RNGTT: variants seen among roughly 807,000 people sequenced by gnomAD.
RNGTT encodes mRNA-capping enzyme.
In RNGTT, 33 loss-of-function variants were observed where a neutral mutation model predicts 79.3. The observed-to-expected ratio is 0.42, with a 90% CI of 0.32 to 0.56. The LOEUF (loss-of-function observed/expected upper bound fraction) is 0.56. RNGTT is among the 20% of genes least tolerant of loss of function. The pLI is 0.17. For missense variants in RNGTT, 497 were observed against 739.1 expected, an observed-to-expected ratio of 0.67 and a Z score of 3.80; for synonymous variants, 222 against 235.9, an observed-to-expected ratio of 0.94 and a Z score of 0.54.
intron 13 of RNGTT, among the ~76,000 whole-genome samples, chr6:88,749,213 T>C (rs1777763670): frequency 6.6e-6 from 1 of 151,880 alleles, no homozygotes; most frequent in African/African-American, 2.4e-5. Context: ...AAATCTGAAG[T>C]AATAGAAGGA....
intron 4 of RNGTT, among the ~76,000 whole-genome samples, 157 bp from the exon 5 acceptor site, chr6:88,906,597 T>C (rs1407034033): frequency 1.3e-5 from 2 of 152,220 alleles, no homozygotes; most frequent in Non-Finnish European, 2.9e-5. Context: ...ACTTGAAAAC[T>C]TGTCAGTTTG....
intron 13 of RNGTT, among the ~76,000 whole-genome samples, chr6:88,742,581 T>G (rs1451167530): frequency 6.6e-6 from 1 of 152,202 alleles, no homozygotes; most frequent in Non-Finnish European, 1.5e-5. Flanking sequence ...TTGTTAGAAG[T>G]CACGGCATGC....
intron 11 of RNGTT, among the ~76,000 whole-genome samples, chr6:88,839,842 G>C (rs1781206764): frequency 6.6e-6 from 1 of 152,136 alleles, no homozygotes. Context: ...AAAACAGCTT[G>C]TTATTACTAT....
chr6:88,720,908 T>C (rs1776687190), intron 13 of RNGTT, among the ~76,000 whole-genome samples: 1 of 152,050 alleles, frequency 6.6e-6, no homozygotes, highest in Non-Finnish European at 1.5e-5. Flanking sequence ...ATCACACAAA[T>C]AATGACGTCA....
At chr6:88,723,351 C>T (rs1238116548) in intron 13 of RNGTT, among the ~76,000 whole-genome samples, 1 of 152,220 alleles carries the variant, frequency 6.6e-6, no homozygotes, top group South Asian at 2.1e-4. Context: ...GATGGCTAAT[C>T]ACAAACAACC....
chr6:88,955,094 A>G (rs1485786803), intron 1 of RNGTT, among the ~76,000 whole-genome samples: 2 of 152,038 alleles, frequency 1.3e-5, no homozygotes, highest in East Asian at 3.9e-4. Flanking sequence ...AACTATACAA[A>G]TACATGGAAA....
chr6:88,856,089 C>T (rs574546615), intron 8 of RNGTT, among the ~76,000 whole-genome samples: 23 of 152,156 alleles, frequency 1.5e-4, no homozygotes, highest in Non-Finnish European at 2.8e-4. Context: ...TCTCTTAGAA[C>T]GTCAAGATAT....
chr6:88,950,613 C>A (rs2127963564), intron 1 of RNGTT, among the ~76,000 whole-genome samples: 1 of 152,166 alleles, frequency 6.6e-6, no homozygotes, highest in South Asian at 2.1e-4. Context: ...TTCAAGACTT[C>A]AGTGGAATAA....
At chr6:88,890,677 C>A in intron 7 of RNGTT, 81 bp from the exon 8 acceptor site, 1 of 835,374 alleles carries the variant, frequency 1.2e-6, no homozygotes, top group Admixed American at 2.5e-5. Context: ...TCAAATGAAT[C>A]ACACATTTAT....
chr6:88,884,178 T>C (rs1228701036), intron 8 of RNGTT, among the ~76,000 whole-genome samples: 2 of 152,156 alleles, frequency 1.3e-5, no homozygotes, highest in Non-Finnish European at 2.9e-5. Flanking sequence ...TTCAACAATA[T>C]GGAGGGAAAG....
At chr6:88,695,503 T>C (rs1775630933) in intron 13 of RNGTT, among the ~76,000 whole-genome samples, 1 of 152,066 alleles carries the variant, frequency 6.6e-6, no homozygotes, top group Non-Finnish European at 1.5e-5. Context: ...TGACAAAAGA[T>C]AACCAGTTTT....
intron 13 of RNGTT, among the ~76,000 whole-genome samples, chr6:88,759,529 T>C (rs376494396): frequency 1.3e-5 from 2 of 152,206 alleles, no homozygotes; most frequent in African/African-American, 4.8e-5. Context: ...AACACAATCA[T>C]GTATATGTAT....
At chr6:88,709,695 C>T (rs1776257077) in intron 13 of RNGTT, among the ~76,000 whole-genome samples, 1 of 152,132 alleles carries the variant, frequency 6.6e-6, no homozygotes, top group Admixed American at 6.5e-5. Flanking sequence ...CTTTTTGCAT[C>T]AAATCTTCAA....
chr6:88,729,384 A>G (rs1375042660), intron 13 of RNGTT, among the ~76,000 whole-genome samples: 1 of 147,764 alleles, frequency 6.8e-6, no homozygotes, highest in African/African-American at 2.7e-5. Context: ...ATCAACCAGA[A>G]AAAGAAAAAA....
At chr6:88,768,085 C>T (rs1462182048) in intron 13 of RNGTT, among the ~76,000 whole-genome samples, 1 of 151,842 alleles carries the variant, frequency 6.6e-6, no homozygotes, top group East Asian at 1.9e-4. Context: ...ATTGTTCTAA[C>T]AACTTTTTGC....
At chr6:88,685,814 GTAAA>G (rs1775256804) in intron 13 of RNGTT, among the ~76,000 whole-genome samples, 1 of 151,814 alleles carries the variant, frequency 6.6e-6, no homozygotes, top group South Asian at 2.1e-4. Flanking sequence ...AATGATCTAA[GTAAA>G]TAAATAAATC....
intron 11 of RNGTT, among the ~76,000 whole-genome samples, chr6:88,836,230 TTATA>T (rs889546133): frequency 6.7e-6 from 1 of 149,588 alleles, no homozygotes; most frequent in Non-Finnish European, 1.5e-5. Context: ...TGAATGAGAT[TTATA>T]TATATATATA....
At chr6:88,792,087 G>A (rs1005027075) in intron 12 of RNGTT, among the ~76,000 whole-genome samples, 9 of 152,064 alleles carry the variant, frequency 5.9e-5, no homozygotes, top group African/African-American at 2.2e-4. Flanking sequence ...GTCTAAAAGT[G>A]GGCCCACACA....
At chr6:88,954,763 C>T (rs969423830) in intron 1 of RNGTT, among the ~76,000 whole-genome samples, 20 of 151,864 alleles carry the variant, frequency 1.3e-4, no homozygotes, top group African/African-American at 4.8e-4. Flanking sequence ...AAATACACGA[C>T]CAGGCGTGGT....
Sources: gnomAD v4.1 joint callset for allele counts (sites outside exome capture counted in the v4.1 genomes callset) on GRCh38, gnomAD v4.1.1 for gene constraint, MANE v1.5 for transcripts, NCBI Gene and HGNC (gene_info 2026-07-23, HGNC 2026-07-21) for gene names.